Variants in TMEM131L observed in about 807,000 individuals in gnomAD.
TMEM131L encodes the protein transmembrane 131 like.
A neutral mutation model predicts 192.2 loss-of-function variants in TMEM131L; 54 were observed. That is an observed-to-expected ratio of 0.28 (90% CI 0.23 to 0.35). The LOEUF (loss-of-function observed/expected upper bound fraction) is 0.35. Among genes scored for constraint, TMEM131L ranks in the 10% least tolerant of loss-of-function variants. The pLI is 1.00. For synonymous variants in TMEM131L, 701 were observed against 704.9 expected, an observed-to-expected ratio of 0.99 and a Z score of 0.09; for missense variants, 1,888 against 1,972.9, an observed-to-expected ratio of 0.96 and a Z score of 0.82.
intron 26 of TMEM131L, among the ~76,000 whole-genome samples, 169 bp from the exon 27 acceptor site, chr4:153,620,587 G>T (rs7656847): frequency 2.0e-5 from 3 of 152,216 alleles, no homozygotes; most frequent in Non-Finnish European, 4.4e-5. Context: ...CTTGAGGGAA[G>T]TAGCGCAAGA....
chr4:153,631,559 C>A (rs769629477), intron 31 of TMEM131L, among the ~76,000 whole-genome samples: 2 of 152,144 alleles, frequency 1.3e-5, no homozygotes, highest in African/African-American at 4.8e-5. Flanking sequence ...AACAAGCATG[C>A]CTGCCCTTTG....
intron 3 of TMEM131L, among the ~76,000 whole-genome samples, chr4:153,488,457 CG>C (rs1227355160): frequency 6.6e-6 from 1 of 152,012 alleles, no homozygotes; most frequent in Non-Finnish European, 1.5e-5. Flanking sequence ...AGGAGGCAGC[CG>C]GGAACTTGGA....
At position 153,593,867 on chromosome 4, in the gene TMEM131L, A is replaced by T. The variant is rs778974990; in HGVS notation, c.1991A>T (p.Tyr664Phe). The T allele has an allele frequency of 2.5e-5, 40 of 1,608,640 alleles. 1 individual carries two copies. In the Admixed American group the frequency reaches 6.5e-4, roughly 26 times the overall value. Residue 664 changes from tyrosine (Y) to phenylalanine (F), a missense_variant, in exon 19 of 35, where the codon TAC becomes TTC. Coordinates refer to ENST00000409959, the MANE Select transcript of TMEM131L (RefSeq NM_001131007.2). ...TTCCAGCTCACCGAAGCTTGCCCTT[A>T]CCTGGTAGGATGTTATCCTAAAACA... The part of the protein sequence containing the change: ...GEFQLTEACP[Y>F]LGTHSEESRF...
chr4:153,556,303 T>G (rs1356984208), intron 5 of TMEM131L, among the ~76,000 whole-genome samples: 2 of 152,208 alleles, frequency 1.3e-5, no homozygotes, highest in Non-Finnish European at 2.9e-5. Flanking sequence ...CTCTCAAGCC[T>G]ACTAGGAAAG....
chr4:153,593,212 T>C (rs1405635929), intron 18 of TMEM131L, among the ~76,000 whole-genome samples: 1 of 152,200 alleles, frequency 6.6e-6, no homozygotes, highest in Non-Finnish European at 1.5e-5. Context: ...TTACTTAGAA[T>C]GTTTCCAGCT....
At chr4:153,571,753 G>C (rs769715357) in intron 7 of TMEM131L, among the ~76,000 whole-genome samples, 4 of 152,042 alleles carry the variant, frequency 2.6e-5, no homozygotes, top group Non-Finnish European at 4.4e-5. Flanking sequence ...TGGAGACAGG[G>C]TTTCACCATG....
At position 153,501,969 on chromosome 4, in the gene TMEM131L, A is replaced by G. The variant is rs555125625; in HGVS notation, c.239+28081A>G. 4.7e-4 allele frequency among the ~76,000 whole-genome samples: 51 copies of G among 108,682 alleles called. No individual in the cohort carries two copies. In the South Asian group the frequency reaches 0.012, roughly 26 times the overall value. 71.3% of individuals were successfully genotyped at this position (108,682 alleles called of 152,430 possible). A position where few individuals can be genotyped will look rare whatever the true frequency, so the allele number is the denominator to read the frequency against. The stretch of plus-strand genomic sequence containing the variant: ...TTTTTTTTTTTTTTTTTTTTTTTAA[A>G]TGGAGACAGAGTCTTGCTGTTACCC... On this transcript the variant is annotated intron_variant, in intron 3 of 34. Coordinates refer to ENST00000409959, the MANE Select transcript of TMEM131L (RefSeq NM_001131007.2).
chr4:153,512,544 C>A lies in TMEM131L; in HGVS notation c.240-37529C>A, dbSNP rs1472028143. Among the ~76,000 whole-genome samples, 3 of 152,178 alleles carry A rather than the reference C, an allele frequency of 2.0e-5. No homozygotes were observed. The South Asian group carries it at 6.2e-4, about 32-fold the overall frequency. Reference sequence around the variant, plus strand: ...ATCCAAAATACACTCTTTCTAAGATCACTTTTACAGGCCCTCTCCTCATCC... The same window carrying A: ...ATCCAAAATACACTCTTTCTAAGATAACTTTTACAGGCCCTCTCCTCATCC... On this transcript the variant is annotated intron_variant, in intron 3 of 34. Coordinates refer to ENST00000409959, the MANE Select transcript of TMEM131L (RefSeq NM_001131007.2).
chr4:153,628,904 T>G (rs368810005), intron 31 of TMEM131L, among the ~76,000 whole-genome samples: 1 of 152,304 alleles, frequency 6.6e-6, no homozygotes, highest in East Asian at 1.9e-4. Context: ...ACTGACAGAG[T>G]ACATCTTGTC....
At chr4:153,598,814 T>A (rs1391793853) in intron 21 of TMEM131L, 82 bp downstream of exon 21, 7 of 1,161,406 alleles carry the variant, frequency 6.0e-6, no homozygotes, top group Non-Finnish European at 6.8e-6. Flanking sequence ...TTCTAAATTT[T>A]AAATTCTAAA....
intron 27 of TMEM131L, 134 bp from the exon 28 acceptor site, chr4:153,621,549 A>C (rs1733407212): frequency 1.3e-6 from 1 of 769,116 alleles, no homozygotes. Flanking sequence ...CTCTTCCACC[A>C]GACCCAAAGA....
chr4:153,599,075 C>G (rs1731649038), intron 21 of TMEM131L, among the ~76,000 whole-genome samples: 1 of 152,086 alleles, frequency 6.6e-6, no homozygotes, highest in African/African-American at 2.4e-5. Flanking sequence ...TGGCTCATGG[C>G]TCTGCAGGTT....
chr4:153,555,844 C>G lies in TMEM131L; in HGVS notation c.366C>G (p.Ser122Arg), dbSNP rs995239504. 1.9e-6 allele frequency: 3 copies of G among 1,551,388 alleles called. 1 individual carries two copies. In the South Asian group the frequency reaches 3.6e-5, roughly 18 times the overall value. The change falls in exon 5 of 35, where the codon AGC becomes AGG. Residue 122 changes from serine (S) to arginine (R), a missense_variant. Transcript: ENST00000409959. The surrounding 1 kb of genome is among the most constrained non-coding windows in gnomAD (Gnocchi z 4.1). ...ILHAYNPSRD[S>R]EVVVNSVFAA... Reference sequence around the variant, plus strand: ...ATGCTTACAACCCTAGTAGGGACAGCGAGGTTGTGGTGAATTCAGTGTTTG... The same window carrying G: ...ATGCTTACAACCCTAGTAGGGACAGGGAGGTTGTGGTGAATTCAGTGTTTG...
In TMEM131L at chr4:153,598,581, T is replaced by G. The variant is rs1731613522; in HGVS notation, c.2124-9T>G. 1.2e-6 allele frequency: 2 copies of G among 1,610,376 alleles called. No individual in the cohort carries two copies. Among genetic ancestry groups the G allele is most frequent in the Non-Finnish European group, 1.7e-6 (2 of 1,177,352 alleles). On this transcript the variant is annotated splice_polypyrimidine_tract_variant and intron_variant, in intron 20 of 34. Transcript: ENST00000409959. ...AATGCCTTTTTATATCTATTTCCTT[T>G]CACTACAGGAATAACTTGACTGTTA...
At chr4:153,600,885 C>T (rs1321336804) in intron 21 of TMEM131L, among the ~76,000 whole-genome samples, 2 of 152,070 alleles carry the variant, frequency 1.3e-5, no homozygotes, top group East Asian at 1.9e-4. Context: ...ATGAGGCAGA[C>T]GGATCACTTG....
At chr4:153,586,503 A>T in intron 14 of TMEM131L, 124 bp downstream of exon 14, 1 of 627,036 alleles carries the variant, frequency 1.6e-6, no homozygotes, top group Non-Finnish European at 2.6e-6. Flanking sequence ...AAGAAACTGA[A>T]GGATATTACC....
At chr4:153,490,795 A>C (rs1732719012) in intron 3 of TMEM131L, among the ~76,000 whole-genome samples, 1 of 151,956 alleles carries the variant, frequency 6.6e-6, no homozygotes, top group Non-Finnish European at 1.5e-5. Flanking sequence ...CTCTACTAAA[A>C]ATAAAAATAT....
At chr4:153,523,257 A>G (rs1249281752) in intron 3 of TMEM131L, among the ~76,000 whole-genome samples, 1 of 152,240 alleles carries the variant, frequency 6.6e-6, no homozygotes, top group Non-Finnish European at 1.5e-5. Flanking sequence ...TGCCAGAAGT[A>G]TGTTGCCTTT....
intron 5 of TMEM131L, among the ~76,000 whole-genome samples, chr4:153,556,317 G>A (rs186097599): frequency 4.0e-4 from 61 of 152,232 alleles, no homozygotes; most frequent in African/African-American, 1.4e-3. Context: ...AGGAAAGTTA[G>A]GTCTCCTTTC....
Sources: gnomAD v4.1 joint callset for allele counts (sites outside exome capture counted in the v4.1 genomes callset) on GRCh38, gnomAD v4.1.1 for gene constraint, Gnocchi (gnomAD v3.1) non-coding constraint, MANE v1.5 for transcripts, NCBI Gene and HGNC (gene_info 2026-07-23, HGNC 2026-07-21) for gene names.